FHOD3: variants seen among roughly 807,000 people sequenced by gnomAD.
The protein encoded by FHOD3 is formin homology 2 domain containing 3.
A neutral mutation model predicts 173.0 loss-of-function variants in FHOD3; 90 were observed. The observed-to-expected ratio is 0.52, with a 90% CI of 0.44 to 0.62. The LOEUF (loss-of-function observed/expected upper bound fraction) is 0.62. Ranked by LOEUF, FHOD3 falls within the 20% of genes least tolerant of loss-of-function variation. The probability of loss-of-function intolerance (pLI) is 0.00; values close to 1 mark genes in which losing one functional copy is unlikely to be tolerated. For missense variants in FHOD3, 1,945 were observed against 2,034.7 expected (o/e 0.96, Z 0.85); for synonymous variants, 828 against 823.0 (o/e 1.01, Z -0.10).
intron 3 of FHOD3, among the ~76,000 whole-genome samples, chr18:36,446,965 G>A (rs1245223628): frequency 6.6e-6 from 1 of 152,108 alleles, no homozygotes; most frequent in Non-Finnish European, 1.5e-5. Flanking sequence ...TCCCTTGCTG[G>A]GGAGGTTGAG....
intron 14 of FHOD3, among the ~76,000 whole-genome samples, chr18:36,677,320 A>T (rs907674552): frequency 6.6e-6 from 1 of 151,574 alleles, no homozygotes; most frequent in Non-Finnish European, 1.5e-5. Flanking sequence ...TGCCCAGCTA[A>T]TTTTGTATTT....
At chr18:36,475,751 TAC>T (rs58982535) in intron 3 of FHOD3, among the ~76,000 whole-genome samples, 13,205 of 142,854 alleles carry the variant, frequency 0.092, 631 homozygotes, top group Non-Finnish European at 0.12. Context: ...TATAGAAACA[TAC>T]ACACACACAC....
chr18:36,779,604 G>A lies in FHOD3; in HGVS notation c.*74G>A, dbSNP rs2043949882. 2.2e-6 allele frequency: 3 copies of A among 1,345,622 alleles called. No individual in the cohort carries two copies. In the Admixed American group the frequency reaches 5.2e-5, roughly 23 times the overall value. The allele number at this position is 1,345,622 out of a possible 1,614,324, so 83.4% of individuals were successfully genotyped here. ...GCTGGATGAAACCCCTCCAGGTGGGGTTGGGGAGACTTGATATTCACATCC... is the reference window on the plus strand; with the variant it reads ...GCTGGATGAAACCCCTCCAGGTGGGATTGGGGAGACTTGATATTCACATCC... On this transcript the variant is annotated 3_prime_UTR_variant, in exon 29 of 29. Transcript: ENST00000590592.
intron 3 of FHOD3, among the ~76,000 whole-genome samples, chr18:36,381,527 G>C (rs575257432): frequency 6.6e-6 from 1 of 152,162 alleles, no homozygotes; most frequent in Non-Finnish European, 1.5e-5. Context: ...GGAGGATGAG[G>C]GTGCCAGGCA....
At chr18:36,435,159 G>A (rs1201071984) in intron 3 of FHOD3, among the ~76,000 whole-genome samples, 2 of 150,812 alleles carry the variant, frequency 1.3e-5, no homozygotes, top group African/African-American at 2.4e-5. Context: ...GCAGTAGTGG[G>A]TTGTAAACTA....
intron 17 of FHOD3, among the ~76,000 whole-genome samples, chr18:36,698,590 CA>C (rs944459581): frequency 6.6e-6 from 1 of 151,144 alleles, no homozygotes; most frequent in Non-Finnish European, 1.5e-5. Flanking sequence ...ACCCCAACTC[CA>C]AAAAAAAGAG....
chr18:36,414,917 G>C (rs2049552062), intron 3 of FHOD3, among the ~76,000 whole-genome samples: 1 of 152,194 alleles, frequency 6.6e-6, no homozygotes, highest in African/African-American at 2.4e-5. Flanking sequence ...TACCCTCTGT[G>C]GTGGGTGGGC....
At chr18:36,639,152 T>A in intron 10 of FHOD3, among the ~76,000 whole-genome samples, 1 of 152,196 alleles carries the variant, frequency 6.6e-6, no homozygotes, top group East Asian at 1.9e-4. Flanking sequence ...CTATGCTTAG[T>A]TCCTGCTGTT....
At chr18:36,609,948 T>A (rs2032502646) in intron 8 of FHOD3, among the ~76,000 whole-genome samples, 1 of 152,220 alleles carries the variant, frequency 6.6e-6, no homozygotes, top group Non-Finnish European at 1.5e-5. Flanking sequence ...TTAAATTATT[T>A]ACCAGTGATT....
intron 27 of FHOD3, among the ~76,000 whole-genome samples, chr18:36,766,810 T>G (rs1273797849): frequency 6.6e-6 from 1 of 152,152 alleles, no homozygotes; most frequent in African/African-American, 2.4e-5. Context: ...GAGGGAAGAT[T>G]AGATGATGCC....
Position 36,508,373 on chromosome 18 carries a change from C to T in FHOD3, c.406-4065C>T, listed in dbSNP as rs554293239. On this transcript the variant is annotated intron_variant, in intron 4 of 28. Transcript: ENST00000590592. ...GAAACACCAAAAGGCACCAGAGCTC[C>T]TTGGAGAAGTGGCTGATTCCAAGTC... Among the ~76,000 whole-genome samples, 13 of 151,906 alleles carry T rather than the reference C, an allele frequency of 8.6e-5. No homozygotes were observed. The South Asian group carries it at 1.5e-3, about 17-fold the overall frequency.
At chr18:36,333,881 C>T (rs2045155556) in intron 1 of FHOD3, among the ~76,000 whole-genome samples, 3 of 152,224 alleles carry the variant, frequency 2.0e-5, no homozygotes. Flanking sequence ...CACAGTCCCA[C>T]CTGTGCTTTT....
chr18:36,619,556 C>T (rs1460952361), intron 9 of FHOD3, among the ~76,000 whole-genome samples: 2 of 152,184 alleles, frequency 1.3e-5, no homozygotes. Context: ...TTAGCTCTGG[C>T]CCTCATCGTT....
At chr18:36,742,660 C>A in intron 21 of FHOD3, 77 bp from the exon 22 acceptor site, 1 of 1,493,864 alleles carries the variant, frequency 6.7e-7, no homozygotes, top group South Asian at 1.3e-5. Flanking sequence ...GTGTTATTCC[C>A]TTATACAAAA....
intron 1 of FHOD3, among the ~76,000 whole-genome samples, chr18:36,327,355 C>T (rs2044723949): frequency 6.6e-6 from 1 of 152,232 alleles, no homozygotes; most frequent in East Asian, 1.9e-4. Flanking sequence ...TAAAAAATGG[C>T]TTATTGTATA....
At chr18:36,578,807 A>T (rs1456703104) in intron 6 of FHOD3, among the ~76,000 whole-genome samples, 1 of 152,124 alleles carries the variant, frequency 6.6e-6, no homozygotes, top group Non-Finnish European at 1.5e-5. Context: ...CTGGCATGCG[A>T]ATCCCCATGG....
At chr18:36,685,358 G>A (rs2038537492) in intron 15 of FHOD3, among the ~76,000 whole-genome samples, 1 of 152,204 alleles carries the variant, frequency 6.6e-6, no homozygotes, top group Non-Finnish European at 1.5e-5. Context: ...CCATATTTCT[G>A]AGGATGTGAA....
intron 6 of FHOD3, among the ~76,000 whole-genome samples, chr18:36,583,325 G>A (rs974066024): frequency 6.6e-6 from 1 of 152,154 alleles, no homozygotes; most frequent in Non-Finnish European, 1.5e-5. Context: ...CTTGGGGTGG[G>A]TTGCTTTTTC....
In FHOD3 at chr18:36,411,648, T is replaced by C. The variant is rs2049356157; in HGVS notation, c.337+38904T>C. Among the ~76,000 whole-genome samples the C allele has an allele frequency of 2.0e-5, 3 of 152,250 alleles. No homozygotes were observed. In the South Asian group the frequency reaches 6.2e-4, roughly 32 times the overall value. ...ATAGAGTAACCACATTTACAATGTT[T>C]GCAGTACAAAATAGAGCAACTGATC... is the stretch of plus-strand genomic sequence containing the variant. On this transcript the variant is annotated intron_variant, in intron 3 of 28. Coordinates refer to ENST00000590592, the MANE Select transcript of FHOD3 (RefSeq NM_001281740.3).
Sources: allele counts gnomAD v4.1 joint callset (sites outside exome capture counted in the v4.1 genomes callset), GRCh38; gene constraint gnomAD v4.1.1; transcripts MANE v1.5; gene names NCBI Gene and HGNC (gene_info 2026-07-23, HGNC 2026-07-21).